Variants in ATXN1 observed in about 807,000 individuals in gnomAD.
The protein encoded by ATXN1 is ataxin-1.
ATXN1 carries 8 observed loss-of-function variants against 56.4 expected under a neutral mutation model. The observed-to-expected ratio is 0.14, with a 90% confidence interval of 0.08 to 0.26. ATXN1 has a LOEUF of 0.26. Among genes scored for constraint, ATXN1 ranks in the 10% least tolerant of loss-of-function variants. ATXN1 has a pLI of 1.00. For missense variants in ATXN1, 987 were observed against 1,106.5 expected (o/e 0.89, Z 1.53); for synonymous variants, 514 against 494.6 (o/e 1.04, Z -0.52).
intron 2 of ATXN1, chr6:16,739,161 C>T (rs1409351800): frequency 3.9e-5 from 5 of 128,114 alleles, no homozygotes; most frequent in East Asian, 4.7e-4. Flanking sequence ...GGTTGTGTTA[C>T]GACTTGTTAA....
intron 3 of ATXN1, among the ~76,000 whole-genome samples, chr6:16,630,431 A>C (rs1305047716): frequency 6.6e-6 from 1 of 152,218 alleles, no homozygotes; most frequent in African/African-American, 2.4e-5. Context: ...AATGTGGTCC[A>C]AAGGTGTGCA....
intron 6 of ATXN1, among the ~76,000 whole-genome samples, chr6:16,437,602 C>A (rs1420067730): frequency 6.6e-6 from 1 of 152,172 alleles, no homozygotes; most frequent in East Asian, 1.9e-4. Flanking sequence ...GATAAGACTC[C>A]CTGGATACTT....
intron 4 of ATXN1, among the ~76,000 whole-genome samples, chr6:16,555,321 T>C (rs1761991534): frequency 6.6e-6 from 1 of 152,066 alleles, no homozygotes; most frequent in Admixed American, 6.5e-5. Flanking sequence ...ATCTCATAAG[T>C]ACATACAAAA....
chr6:16,550,152 ATAC>A (rs1761892997), intron 4 of ATXN1, among the ~76,000 whole-genome samples: 1 of 132,656 alleles, frequency 7.5e-6, no homozygotes, highest in South Asian at 3.1e-4. Context: ...AATAAATAAA[ATAC>A]AAAAAAAAAA....
At chr6:16,373,720 C>T (rs376080964) in intron 6 of ATXN1, among the ~76,000 whole-genome samples, 27 of 152,224 alleles carry the variant, frequency 1.8e-4, no homozygotes, top group Non-Finnish European at 3.4e-4. Flanking sequence ...TTTTCTCTTG[C>T]CTGCTGCCAT....
intron 2 of ATXN1, among the ~76,000 whole-genome samples, chr6:16,692,815 G>A (rs1024950678): frequency 1.3e-5 from 2 of 152,106 alleles, no homozygotes; most frequent in African/African-American, 4.8e-5. Flanking sequence ...CTAAGTAATG[G>A]GCCCAAGATC....
intron 6 of ATXN1, among the ~76,000 whole-genome samples, chr6:16,401,246 G>A (rs146119470): frequency 6.6e-5 from 10 of 152,272 alleles, no homozygotes; most frequent in Admixed American, 2.6e-4. Flanking sequence ...ACATTTGCCC[G>A]TCTCTTTACA....
intron 2 of ATXN1, among the ~76,000 whole-genome samples, chr6:16,732,520 G>A (rs938631303): frequency 6.6e-6 from 1 of 151,972 alleles, no homozygotes; most frequent in Non-Finnish European, 1.5e-5. Flanking sequence ...GCAATAAGCC[G>A]AGATGGCACC....
chr6:16,620,262 A>AACACACACACACACACAC (rs60586256), intron 3 of ATXN1, among the ~76,000 whole-genome samples: 1 of 137,410 alleles, frequency 7.3e-6, no homozygotes, highest in African/African-American at 2.7e-5. Context: ...CTGTCTCTCA[A>AACACACACACACACACAC]ACACACACAC....
At chr6:16,559,910 A>G (rs11756866) in intron 4 of ATXN1, among the ~76,000 whole-genome samples, 19,193 of 152,002 alleles carry the variant, frequency 0.13, 1,401 homozygotes, top group African/African-American at 0.2. Flanking sequence ...CAGGAAACTG[A>G]TTTCAACTTT....
chr6:16,741,821 C>T (rs746408577), intron 2 of ATXN1, among the ~76,000 whole-genome samples: 4 of 152,152 alleles, frequency 2.6e-5, no homozygotes, highest in Non-Finnish European at 4.4e-5. Context: ...CTTTGCAGCT[C>T]GCTGGGAGGA....
At chr6:16,426,934 C>T (rs1296091151) in intron 6 of ATXN1, among the ~76,000 whole-genome samples, 3 of 151,662 alleles carry the variant, frequency 2.0e-5, no homozygotes, top group African/African-American at 7.3e-5. Context: ...AGAAAATAAT[C>T]TGCCAGCAGA....
intron 5 of ATXN1, among the ~76,000 whole-genome samples, chr6:16,516,572 G>C (rs1428972878): frequency 1.3e-5 from 2 of 152,146 alleles, no homozygotes; most frequent in Non-Finnish European, 2.9e-5. Flanking sequence ...CAGTTGTCCT[G>C]GAGAGATACT....
chr6:16,367,029 C>G (rs187462801), intron 6 of ATXN1, among the ~76,000 whole-genome samples: 21 of 152,310 alleles, frequency 1.4e-4, no homozygotes, highest in African/African-American at 4.8e-4. Context: ...GTGACTTTGT[C>G]TCTCAATTAC....
chr6:16,574,965 T>C (rs2113754275), intron 4 of ATXN1, among the ~76,000 whole-genome samples: 1 of 151,304 alleles, frequency 6.6e-6, no homozygotes, highest in East Asian at 1.9e-4. Context: ...GGTCAGTTAT[T>C]TTTTCGAATG....
intron 2 of ATXN1, among the ~76,000 whole-genome samples, chr6:16,719,962 G>GT (rs1224805943): frequency 6.6e-6 from 1 of 152,174 alleles, no homozygotes; most frequent in East Asian, 1.9e-4. Flanking sequence ...AATTCCTGTT[G>GT]TTTTAACCCA....
rs373573253 is a variant in ATXN1 at position 16,324,200 on chromosome 6, G to A, written c.1917+2194C>T. ...CTCGTGTCTGTAATCTCAGGGCTTT[G>A]GGAGGCCGAGGTGGAAGGACTGCTT... On this transcript the variant is annotated intron_variant, in intron 7 of 7. Transcript: ENST00000436367. Among the ~76,000 whole-genome samples, 18 of 152,222 alleles carry A rather than the reference G, an allele frequency of 1.2e-4. No individual in the cohort carries two copies. The South Asian group carries it at 3.5e-3, about 30-fold the overall frequency.
chr6:16,534,999 C>G (rs1472219204), intron 4 of ATXN1, among the ~76,000 whole-genome samples: 1 of 152,216 alleles, frequency 6.6e-6, no homozygotes, highest in African/African-American at 2.4e-5. Context: ...AGCACAGCAC[C>G]AAGTCTGACT....
chr6:16,588,677 G>T (rs898710725), intron 3 of ATXN1, among the ~76,000 whole-genome samples: 5 of 152,132 alleles, frequency 3.3e-5, no homozygotes, highest in African/African-American at 9.7e-5. Flanking sequence ...TCCAGAAAGG[G>T]AGAACTGTGT....
Sources: gnomAD v4.1 joint callset for allele counts (sites outside exome capture counted in the v4.1 genomes callset) on GRCh38, gnomAD v4.1.1 for gene constraint, MANE v1.5 for transcripts, NCBI Gene and HGNC (gene_info 2026-07-23, HGNC 2026-07-21) for gene names.